The following CFAP210 variants were observed in gnomAD, a reference collection of about 807,000 sequenced individuals.
CFAP210 encodes cilia and flagella associated protein 210.
the CFAP210 span, among the ~76,000 whole-genome samples, chr2:169,677,058 G>A: frequency 3.9e-5 from 6 of 152,168 alleles, no homozygotes; most frequent in Admixed American, 3.9e-4. Context: ...TCAGGCAGAG[G>A]GAGGCCAGCA....
At chr2:169,655,998 C>T in the CFAP210 span, among the ~76,000 whole-genome samples, 2 of 152,326 alleles carry the variant, frequency 1.3e-5, no homozygotes, top group East Asian at 3.9e-4. Context: ...ACATGTGCAG[C>T]TTTCTTTTCA....
At chr2:169,671,399 C>T in the CFAP210 span, among the ~76,000 whole-genome samples, 1 of 152,232 alleles carries the variant, frequency 6.6e-6, no homozygotes, top group Non-Finnish European at 1.5e-5. Context: ...ACACCCTCTA[C>T]ACATATTTGC....
At chr2:169,646,690 T>C in the CFAP210 span, among the ~76,000 whole-genome samples, 1 of 152,182 alleles carries the variant, frequency 6.6e-6, no homozygotes, top group African/African-American at 2.4e-5. Context: ...ATTGGAACAG[T>C]GAGTGACATT....
the CFAP210 span, chr2:169,674,441 C>T: frequency 1.5e-5 from 10 of 675,096 alleles, no homozygotes; most frequent in Non-Finnish European, 2.4e-5. Flanking sequence ...AAAGTGATAG[C>T]GATTTTTAAC....
the CFAP210 span, among the ~76,000 whole-genome samples, chr2:169,664,139 A>G: frequency 1.3e-5 from 2 of 152,070 alleles, no homozygotes; most frequent in African/African-American, 4.8e-5. Context: ...CAGAGATTGC[A>G]GAGACCTGAG....
chr2:169,666,098 C>T, the CFAP210 span, among the ~76,000 whole-genome samples: 3 of 152,124 alleles, frequency 2.0e-5, no homozygotes, highest in East Asian at 3.9e-4. Context: ...ACTTTACCTT[C>T]TCTATGTCTA....
the CFAP210 span, among the ~76,000 whole-genome samples, chr2:169,691,457 G>A: frequency 6.6e-6 from 1 of 151,978 alleles, no homozygotes; most frequent in African/African-American, 2.4e-5. Context: ...TTTTAGGTCA[G>A]TTGGGGGGGC....
chr2:169,691,462 G>A, the CFAP210 span, among the ~76,000 whole-genome samples: 59 of 152,036 alleles, frequency 3.9e-4, no homozygotes, highest in Non-Finnish European at 7.6e-4. Flanking sequence ...GGTCAGTTGG[G>A]GGGGCAGTCT....
the CFAP210 span, among the ~76,000 whole-genome samples, chr2:169,684,118 T>A: frequency 6.6e-6 from 1 of 152,060 alleles, no homozygotes; most frequent in Non-Finnish European, 1.5e-5. Flanking sequence ...GTTAGAGAAG[T>A]TGAAGAAGGG....
At chr2:169,654,044 G>C in the CFAP210 span, 2 of 1,564,798 alleles carry the variant, frequency 1.3e-6, no homozygotes, top group Non-Finnish European at 1.7e-6. Flanking sequence ...ATTTCAGATA[G>C]TACTTTATTA....
the CFAP210 span, chr2:169,674,532 G>A: frequency 2.1e-6 from 3 of 1,440,504 alleles, no homozygotes; most frequent in African/African-American, 1.5e-5. Context: ...CATCCATTAT[G>A]AGAAAACGAG....
chr2:169,655,690 C>A, the CFAP210 span, among the ~76,000 whole-genome samples: 5 of 152,112 alleles, frequency 3.3e-5, no homozygotes, highest in African/African-American at 1.2e-4. Flanking sequence ...CAGTAAATGG[C>A]AGAGTTAGCA....
the CFAP210 span, among the ~76,000 whole-genome samples, chr2:169,688,808 A>G: frequency 3.3e-5 from 5 of 152,184 alleles, no homozygotes; most frequent in Non-Finnish European, 7.4e-5. Flanking sequence ...GAGCTCTTCA[A>G]ACTGTTCCAA....
chr2:169,677,406 TA>T, the CFAP210 span, among the ~76,000 whole-genome samples: 1 of 152,206 alleles, frequency 6.6e-6, no homozygotes, highest in Non-Finnish European at 1.5e-5. Flanking sequence ...GTTGAATATT[TA>T]AAAATCAATC....
At chr2:169,688,368 A>C in the CFAP210 span, among the ~76,000 whole-genome samples, 1 of 152,040 alleles carries the variant, frequency 6.6e-6, no homozygotes, top group Non-Finnish European at 1.5e-5. Flanking sequence ...CCCTTTTGAA[A>C]CTGAATGCTC....
chr2:169,649,196 G>A, the CFAP210 span: 1 of 1,609,670 alleles, frequency 6.2e-7, no homozygotes, highest in Non-Finnish European at 8.5e-7. Context: ...TGCTGAATAT[G>A]GGCATCTTGA....
At chr2:169,660,421 G>GT in the CFAP210 span, among the ~76,000 whole-genome samples, 306 of 148,170 alleles carry the variant, frequency 2.1e-3, 2 homozygotes, top group East Asian at 0.013. Context: ...TCATTTCACT[G>GT]TTTTTTTTTG....
chr2:169,693,065 T>C, the CFAP210 span, among the ~76,000 whole-genome samples: 2 of 152,222 alleles, frequency 1.3e-5, no homozygotes, highest in Non-Finnish European at 2.9e-5. Context: ...TTTGCCACTG[T>C]TCTTGTTGAT....
chr2:169,661,364 G>T, the CFAP210 span: 1 of 410,872 alleles, frequency 2.4e-6, no homozygotes, highest in Non-Finnish European at 4.7e-6. Context: ...TTCAGGCACT[G>T]CTTGTAATTC....
Sources: allele counts gnomAD v4.1 joint callset (sites outside exome capture counted in the v4.1 genomes callset), GRCh38; gene constraint gnomAD v4.1.1; transcripts MANE v1.5; gene names NCBI Gene and HGNC (gene_info 2026-07-23, HGNC 2026-07-21).